Variants in DDX24 observed in about 807,000 individuals in gnomAD.
DDX24 encodes DEAD-box helicase 24.
DDX24 carries 24 observed loss-of-function variants against 68.9 expected under a neutral mutation model. The ratio of observed to expected loss-of-function variants is 0.35; its 90% confidence interval spans 0.25 to 0.49. DDX24 has a LOEUF of 0.49. Among genes scored for constraint, DDX24 ranks in the 20% least tolerant of loss-of-function variants. The pLI, the probability that DDX24 is intolerant of heterozygous loss-of-function variation, is 0.99. For missense variants in DDX24, 989 were observed against 1,039.0 expected (o/e 0.95, Z 0.66); for synonymous variants, 395 against 385.2 (o/e 1.03, Z -0.30).
At chr14:94,061,637 A>G (rs554037367) in intron 3 of DDX24, among the ~76,000 whole-genome samples, 2 of 152,222 alleles carry the variant, frequency 1.3e-5, no homozygotes, top group Non-Finnish European at 2.9e-5. Context: ...TGAGAGAATT[A>G]AATCCTAATA....
chr14:94,072,651 G>C (rs1885855855), intron 2 of DDX24, among the ~76,000 whole-genome samples: 1 of 152,178 alleles, frequency 6.6e-6, no homozygotes, highest in Non-Finnish European at 1.5e-5. Flanking sequence ...CCAACGTGGT[G>C]AAACCCTGTC....
In DDX24 at chr14:94,062,590, T is replaced by A; in HGVS notation, c.750A>T (p.Pro250=). 2 of 1,603,320 alleles carry A rather than the reference T, an allele frequency of 1.2e-6. No individual in the cohort carries two copies. Among genetic ancestry groups the A allele is most frequent in the East Asian group, 2.2e-5 (1 of 44,778 alleles). ...GSGKTLAFAI[P]MIHAVLQWQK... The stretch of plus-strand genomic sequence containing the variant: ...GCCACTGCAACACCGCATGAATCAT[T>A]GGGATGGCAAAGGCAAGAGTTTTCC... The change falls in exon 3 of 9, where the codon CCA becomes CCT. Residue 250 remains proline (P), a synonymous_variant. Transcript: ENST00000621632.
At position 94,057,881 on chromosome 14, in the gene DDX24, T is replaced by C; in HGVS notation, c.1930A>G (p.Thr644Ala). The C allele has an allele frequency of 6.2e-7, 1 of 1,614,046 alleles. No homozygotes were observed. Among genetic ancestry groups the C allele is most frequent in the Non-Finnish European group, 8.5e-7 (1 of 1,179,948 alleles). The change falls in exon 6 of 9, where the codon ACA (threonine) becomes GCA (alanine). Residue 644 changes from threonine (T) to alanine (A), a missense_variant. Physicochemically the swap from Thr to Ala is moderately conservative, Grantham distance 58. Transcript: ENST00000621632. ...ARLEDCVLLA[T>A]DVAARGLDIP... ...TCCAGACCCCGAGCTGCCACATCTGTTGCCAAGAGAACACAGCTGGGGTAG... is the reference window on the plus strand; with the variant it reads ...TCCAGACCCCGAGCTGCCACATCTGCTGCCAAGAGAACACAGCTGGGGTAG...
intron 8 of DDX24, among the ~76,000 whole-genome samples, chr14:94,052,277 C>T (rs75428532): frequency 2.8e-4 from 43 of 152,294 alleles, no homozygotes; most frequent in East Asian, 1.7e-3. Flanking sequence ...AAGCAGGGAC[C>T]GGGCAGATTC....
chr14:94,055,076 T>C lies in DDX24; in HGVS notation c.2098A>G (p.Lys700Glu). 1 of 1,614,214 alleles carries C rather than the reference T, an allele frequency of 6.2e-7. No homozygotes were observed. The highest frequency in any genetic ancestry group is 1.7e-5 in the Admixed American group (1 of 60,034). Residue 700 changes from lysine to glutamate, a missense_variant, in exon 7 of 9, where the codon AAG becomes GAG. Transcript: ENST00000621632. Reference protein sequence around the residue: ...LIGPEDVINFKKIYKTLKKDE... With the variant: ...LIGPEDVINFEKIYKTLKKDE... ...TTCTTGAGCGTTTTGTAAATCTTCT[T>C]AAAGTTGATCACATCCTCAGGCCCA...
Position 94,060,940 on chromosome 14 carries a change from T to C in DDX24, c.1370A>G (p.Tyr457Cys). Residue 457 changes from tyrosine (Y) to cysteine (C), a missense_variant, in exon 4 of 9, where the codon TAT becomes TGT. Physicochemically the swap from Tyr to Cys is radical, Grantham distance 194. Transcript: ENST00000621632. Reference sequence around the variant, plus strand: ...GAGCTGCCGAAGGTTCCTCAAATGATAATGCTTTTCTTTAATTAATTCCCA... The same window carrying C: ...GAGCTGCCGAAGGTTCCTCAAATGACAATGCTTTTCTTTAATTAATTCCCA... ...RLWELIKEKH[Y>C]HLRNLRQLRC... 1 of 1,614,216 alleles carries C rather than the reference T, an allele frequency of 6.2e-7. No homozygotes were observed. Among genetic ancestry groups the C allele is most frequent in the Non-Finnish European group, 8.5e-7 (1 of 1,180,032 alleles).
chr14:94,078,131 T>C (rs995506559), intron 2 of DDX24, among the ~76,000 whole-genome samples: 8 of 152,190 alleles, frequency 5.3e-5, no homozygotes, highest in Non-Finnish European at 1.2e-4. Context: ...CTATGTTGTA[T>C]GAGATATTAT....
At chr14:94,054,883 C>G (rs1168936560) in intron 7 of DDX24, 113 bp downstream of exon 7, 8 of 1,225,042 alleles carry the variant, frequency 6.5e-6, no homozygotes, top group Non-Finnish European at 8.1e-6. Context: ...CAGCTGTTGG[C>G]AGAACCATTC....
intron 2 of DDX24, among the ~76,000 whole-genome samples, chr14:94,077,618 T>C (rs564369576): frequency 6.6e-6 from 1 of 152,338 alleles, no homozygotes; most frequent in Non-Finnish European, 1.5e-5. Flanking sequence ...ACCGATTTCA[T>C]CAACATAAAG....
chr14:94,055,586 G>A, intron 6 of DDX24: 1 of 190,306 alleles, frequency 5.3e-6, no homozygotes, highest in Non-Finnish European at 1.1e-5. Flanking sequence ...TGAGCCCCTG[G>A]CACACACCAT....
At chr14:94,071,635 G>A (rs1052214672) in intron 2 of DDX24, among the ~76,000 whole-genome samples, 8 of 149,318 alleles carry the variant, frequency 5.4e-5, no homozygotes, top group Non-Finnish European at 8.9e-5. Flanking sequence ...GGGCAACAGA[G>A]TGAGCCTTTG....
intron 6 of DDX24, chr14:94,057,526 G>A: frequency 2.8e-6 from 1 of 361,578 alleles, no homozygotes. Flanking sequence ...CTCTACATCA[G>A]GGTAACCAAT....
In DDX24 at chr14:94,060,923, G is replaced by T. The variant is rs201694454; in HGVS notation, c.1387C>A (p.Arg463=). The change falls in exon 4 of 9, where the codon CGG becomes AGG. Residue 463 remains arginine, a synonymous_variant. Coordinates refer to ENST00000621632, the MANE Select transcript of DDX24 (RefSeq NM_020414.4). ...AGTGCCATCTATTACCTGAGCTGCC[G>T]AAGGTTCCTCAAATGATAATGCTTT... ...KEKHYHLRNL[R]QLRCLVVDEA... is the part of the protein sequence containing the mutation. 1 of 1,614,180 alleles carries T rather than the reference G, an allele frequency of 6.2e-7. No individual in the cohort carries two copies. The highest frequency in any genetic ancestry group is 2.2e-5 in the East Asian group (1 of 44,890).
chr14:94,053,006 A>G lies in DDX24; in HGVS notation c.2300T>C (p.Met767Thr). ...CCCGCCCAAGGGCTTACCCTTATAC[A>G]TGTCTTCTTCCAGCTCAATCTCCAG... ...AALEIELEED[M>T]YKGGKADQQE... is the part of the protein sequence containing the mutation. The change falls in exon 8 of 9, where the codon ATG (methionine) becomes ACG (threonine). Residue 767 changes from methionine to threonine, a missense_variant. Coordinates refer to ENST00000621632, the MANE Select transcript of DDX24 (RefSeq NM_020414.4). 6 of 1,613,738 alleles carry G rather than the reference A, an allele frequency of 3.7e-6. No homozygotes were observed. The highest frequency in any genetic ancestry group is 2.2e-5 in the East Asian group (1 of 44,862).
intron 5 of DDX24, among the ~76,000 whole-genome samples, chr14:94,059,788 A>T (rs1195320540): frequency 6.6e-6 from 1 of 152,202 alleles, no homozygotes; most frequent in Non-Finnish European, 1.5e-5. Flanking sequence ...ATGTTAGGAG[A>T]GTAACTGAAT....
At chr14:94,073,430 G>C (rs1036991446) in intron 2 of DDX24, among the ~76,000 whole-genome samples, 1 of 152,054 alleles carries the variant, frequency 6.6e-6, no homozygotes, top group African/African-American at 2.4e-5. Context: ...TAAACAGCAA[G>C]ACCCATTTAT....
Position 94,079,564 on chromosome 14 carries a change from G to T in DDX24, c.179C>A (p.Ser60Tyr). The change falls in exon 2 of 9, where the codon TCC (serine) becomes TAC (tyrosine). Residue 60 changes from serine to tyrosine, a missense_variant. By Grantham distance (144) the Ser-to-Tyr change is moderately radical. Coordinates refer to ENST00000621632, the MANE Select transcript of DDX24 (RefSeq NM_020414.4). The stretch of plus-strand genomic sequence containing the variant: ...GAGACTGGAGGGATTCTTGGCAGGG[G>T]AGACCAACTGGTAATCTGTCAATTC... The part of the protein sequence containing the change: ...FEELTDYQLV[S>Y]PAKNPSSLFS... 6.2e-7 allele frequency: 1 copy of T among 1,614,124 alleles called. No homozygotes were observed. Among genetic ancestry groups the T allele is most frequent in the Non-Finnish European group, 8.5e-7 (1 of 1,180,030 alleles).
At chr14:94,069,735 A>T (rs12890207) in intron 2 of DDX24, among the ~76,000 whole-genome samples, 47,368 of 152,100 alleles carry the variant, frequency 0.31, 7,608 homozygotes, top group Admixed American at 0.38. Flanking sequence ...GTGGTATACC[A>T]CATAAGCAGA....
At chr14:94,060,048 A>T (rs1445197299) in intron 5 of DDX24, 50 bp downstream of exon 5, 1 of 1,547,450 alleles carries the variant, frequency 6.5e-7, no homozygotes, top group Non-Finnish European at 8.7e-7. Flanking sequence ...GACCCCTTTT[A>T]CCCCAGTAAC....
Sources: gnomAD v4.1 joint callset for allele counts (sites outside exome capture counted in the v4.1 genomes callset) on GRCh38, gnomAD v4.1.1 for gene constraint, MANE v1.5 for transcripts, NCBI Gene and HGNC (gene_info 2026-07-23, HGNC 2026-07-21) for gene names.